The following PTGS2 variants were observed in gnomAD, a reference collection of about 807,000 sequenced individuals.
PTGS2 encodes prostaglandin G/H synthase 2.
In PTGS2, 14 loss-of-function variants were observed where a neutral mutation model predicts 63.8. The observed-to-expected ratio is 0.22, with a 90% CI of 0.14 to 0.34. The LOEUF is 0.34. Ranked by LOEUF, PTGS2 falls within the 10% of genes least tolerant of loss-of-function variation. PTGS2 has a pLI of 1.00. For synonymous variants in PTGS2, 271 were observed against 259.5 expected, an observed-to-expected ratio of 1.04 and a Z score of -0.43; for missense variants, 533 against 738.5, an observed-to-expected ratio of 0.72 and a Z score of 3.23.
At chr1:186,679,551 G>A (rs1665840044) in intron 1 of PTGS2, 113 bp from the exon 2 acceptor site, 1 of 792,210 alleles carries the variant, frequency 1.3e-6, no homozygotes, top group African/African-American at 1.7e-5. Flanking sequence ...GAAATATATA[G>A]GTAGTCATGG....
At position 186,672,212 on chromosome 1, in the gene PTGS2, C is replaced by T. The variant is rs1470506534; in HGVS notation, c.*2141G>A. Reference sequence around the variant, plus strand: ...TTTGATTTAAAAATATTAAAACCCACAGTGCTTGACACAGAATATTTTCTC... The same window carrying T: ...TTTGATTTAAAAATATTAAAACCCATAGTGCTTGACACAGAATATTTTCTC... On this transcript the variant is annotated 3_prime_UTR_variant, in exon 10 of 10. Transcript: ENST00000367468. The T allele has an allele frequency of 1.3e-5, 2 of 152,032 alleles. No individual in the cohort carries two copies. Among genetic ancestry groups the T allele is most frequent in the Non-Finnish European group, 2.9e-5 (2 of 67,970 alleles). The allele number at this position is 152,032 out of a possible 1,614,324, so 9.4% of individuals were successfully genotyped here. A position where few individuals can be genotyped will look rare whatever the true frequency, so the allele number is the denominator to read the frequency against.
chr1:186,674,216 T>C lies in PTGS2; in HGVS notation c.*137A>G. ...ACATAAAAGTCTTCACAAGTATGAC[T>C]CCTTTCTCCGCAACAGGAGTACTGA... On this transcript the variant is annotated 3_prime_UTR_variant, in exon 10 of 10. Transcript: ENST00000367468. 1 of 499,084 alleles carries C rather than the reference T, an allele frequency of 2.0e-6. No homozygotes were observed. The highest frequency in any genetic ancestry group is 3.0e-6 in the Non-Finnish European group (1 of 330,408). 30.9% of individuals were successfully genotyped at this position (499,084 alleles called of 1,614,324 possible).
At chr1:186,679,484 CTTAAT>C (rs1468797550) in intron 1 of PTGS2, 46 bp from the exon 2 acceptor site, 8 of 1,360,950 alleles carry the variant, frequency 5.9e-6, no homozygotes, top group Non-Finnish European at 8.4e-6. Context: ...GTGTCTTAAT[CTTAAT>C]TTAAACATTT....
At position 186,675,902 on chromosome 1, in the gene PTGS2, C is replaced by T. The variant is rs1388254963; in HGVS notation, c.1253G>A (p.Gly418Asp). Residue 418 changes from glycine (G) to aspartate (D), a missense_variant, in exon 8 of 10, where the codon GGC (glycine) becomes GAC (aspartate). Physicochemically the swap from Gly to Asp is moderately conservative, Grantham distance 94. Transcript: ENST00000367468. ...FVESFTRQIA[G>D]RVAGGRNVPP... ...GTTTTCAATAATAATGCTTACCCTG[C>T]CAGCAATTTGCCTGGTGAATGATTC... 1 of 1,608,540 alleles carries T rather than the reference C, an allele frequency of 6.2e-7. No homozygotes were observed. Among genetic ancestry groups the T allele is most frequent in the Non-Finnish European group, 8.5e-7 (1 of 1,175,888 alleles).
chr1:186,677,172 C>T (rs1374661712), intron 5 of PTGS2, among the ~76,000 whole-genome samples: 2 of 151,840 alleles, frequency 1.3e-5, no homozygotes, highest in East Asian at 1.9e-4. Flanking sequence ...ATATACTTCA[C>T]TATGATGATA....
At chr1:186,680,111 T>C (rs1665850782) in intron 1 of PTGS2, 128 bp downstream of exon 1, 2 of 1,416,150 alleles carry the variant, frequency 1.4e-6, no homozygotes, top group East Asian at 2.5e-5. Context: ...CCAAGCTCTT[T>C]CCCAAGTCAC....
At chr1:186,680,123 T>C (rs1665851069) in intron 1 of PTGS2, 116 bp downstream of exon 1, 2 of 1,451,918 alleles carry the variant, frequency 1.4e-6, no homozygotes, top group African/African-American at 1.4e-5. Context: ...CCAAGTCACG[T>C]AGCTTCTCTA....
chr1:186,675,592 T>C, intron 8 of PTGS2, 196 bp from the exon 9 acceptor site: 1 of 686,280 alleles, frequency 1.5e-6, no homozygotes, highest in Non-Finnish European at 2.3e-6. Context: ...AGAACTAATT[T>C]GCCTTTTTAC....
In PTGS2 at chr1:186,677,712, C is replaced by T. The variant is rs200316914; in HGVS notation, c.576G>A (p.Thr192=). 7 of 1,613,764 alleles carry T rather than the reference C, an allele frequency of 4.3e-6. No homozygotes were observed. Among genetic ancestry groups the T allele is most frequent in the South Asian group, 3.3e-5 (3 of 91,030 alleles). Residue 192 remains threonine, a synonymous_variant, in exon 5 of 10, where the codon ACG becomes ACA. Transcript: ENST00000367468. ...TATGATCTGTCTTGAAAAACTGATG[C>T]GTGAAGTGCTGGGCAAAGAATGCAA... is the stretch of plus-strand genomic sequence containing the variant. The part of the protein sequence containing the change: ...MMFAFFAQHF[T]HQFFKTDHKR...
At chr1:186,678,136 C>A (rs1665813505) in intron 4 of PTGS2, 125 bp downstream of exon 4, 3 of 1,008,248 alleles carry the variant, frequency 3.0e-6, no homozygotes, top group Non-Finnish European at 4.1e-6. Flanking sequence ...CCATAGATAA[C>A]CATGCTAAAA....
At position 186,679,208 on chromosome 1, in the gene PTGS2, G is replaced by C; in HGVS notation, c.170-7C>G. ...ATTCTTGTCAAAAATTCCGCTGCAA[G>C]AAGACGAAGAAAGGGAGGGAGAAAT... On this transcript the variant is annotated splice_polypyrimidine_tract_variant and splice_region_variant and intron_variant, in intron 2 of 9. Transcript: ENST00000367468. 1 of 1,613,274 alleles carries C rather than the reference G, an allele frequency of 6.2e-7. No homozygotes were observed. Among genetic ancestry groups the C allele is most frequent in the Non-Finnish European group, 8.5e-7 (1 of 1,179,610 alleles).
chr1:186,674,494 C>A lies in PTGS2; in HGVS notation c.1674G>T (p.Val558=). Residue 558 remains valine (V), a synonymous_variant, in exon 10 of 10, where the codon GTG becomes GTT. Coordinates refer to ENST00000367468, the MANE Select transcript of PTGS2 (RefSeq NM_000963.4). ...TGAATGAAGTAAAGGGACAGCCCTT[C>A]ACGTTATTGCAGATGAGAGACTGAA... ...ASIQSLICNN[V]KGCPFTSFSV... is the part of the protein sequence containing the mutation. The A allele has an allele frequency of 2.5e-6, 4 of 1,614,182 alleles. No individual in the cohort carries two copies. The highest frequency in any genetic ancestry group is 3.4e-6 in the Non-Finnish European group (4 of 1,180,034).
intron 3 of PTGS2, 149 bp from the exon 4 acceptor site, chr1:186,678,553 A>G (rs930591638): frequency 2.5e-5 from 17 of 686,698 alleles, no homozygotes; most frequent in Non-Finnish European, 4.0e-5. Context: ...ACTACACTTT[A>G]TAGTCTAATG....
Position 186,679,100 on chromosome 1 carries a change from T to G in PTGS2, c.271A>C (p.Ile91Leu), listed in dbSNP as rs199619767. 1 of 1,614,126 alleles carries G rather than the reference T, an allele frequency of 6.2e-7. No homozygotes were observed. The highest frequency in any genetic ancestry group is 2.2e-5 in the East Asian group (1 of 44,874). The change falls in exon 3 of 10, where the codon ATT becomes CTT. Residue 91 changes from isoleucine (I) to leucine (L), a missense_variant. Physicochemically the swap from Ile to Leu is conservative, Grantham distance 5. This residue lies in a region of PTGS2 where 118 missense variants were observed against 144.6 expected (regional missense o/e 0.82). Transcript: ENST00000367468. ...ATAATTGCATTTCGAAGGAAGGGAA[T>G]GTTATTCACAACGTTCCAAAATCCC... Reference protein sequence around the residue: ...FKGFWNVVNNIPFLRNAIMSY... With the variant: ...FKGFWNVVNNLPFLRNAIMSY...
chr1:186,676,280 A>G (rs1212390505), intron 7 of PTGS2, 96 bp from the exon 8 acceptor site: 104 of 1,392,534 alleles, frequency 7.5e-5, no homozygotes, highest in Non-Finnish European at 9.8e-5. Flanking sequence ...CTATTCCTTC[A>G]TTTCTGTTTT....
chr1:186,680,164 C>T, intron 1 of PTGS2, 75 bp downstream of exon 1: 1 of 1,548,082 alleles, frequency 6.5e-7, no homozygotes, highest in Non-Finnish European at 8.7e-7. Flanking sequence ...CTGGGATAGA[C>T]CCAGGAGGTC....
chr1:186,673,651 C>A lies in PTGS2; in HGVS notation c.*702G>T, dbSNP rs1256920855. 1.3e-5 allele frequency: 2 copies of A among 152,164 alleles called. No individual in the cohort carries two copies. The highest frequency in any genetic ancestry group is 2.4e-5 in the African/African-American group (1 of 41,446). 9.4% of individuals were successfully genotyped at this position (152,164 alleles called of 1,614,324 possible). ...TACTCTTGGTGAAAAAGGAACATCA[C>A]TTATAAAATATTTTAACAAGCAATT... On this transcript the variant is annotated 3_prime_UTR_variant, in exon 10 of 10. Coordinates refer to ENST00000367468, the MANE Select transcript of PTGS2 (RefSeq NM_000963.4).
At chr1:186,678,190 A>AT in intron 4 of PTGS2, 71 bp downstream of exon 4, 1 of 1,422,980 alleles carries the variant, frequency 7.0e-7, no homozygotes, top group Non-Finnish European at 9.4e-7. Flanking sequence ...GTCTAAGGTC[A>AT]ATTTTTTTTT....
intron 8 of PTGS2, 140 bp from the exon 9 acceptor site, chr1:186,675,536 A>G (rs1665764983): frequency 1.0e-6 from 1 of 964,576 alleles, no homozygotes; most frequent in Non-Finnish European, 1.5e-6. Flanking sequence ...ATGCTTACCT[A>G]CATTTCAACA....
Sources: gnomAD v4.1 joint callset for allele counts (sites outside exome capture counted in the v4.1 genomes callset) on GRCh38, gnomAD v4.1.1 for gene constraint, gnomAD v4.1.1 regional missense constraint, MANE v1.5 for transcripts, NCBI Gene and HGNC (gene_info 2026-07-23, HGNC 2026-07-21) for gene names.